The following SOX6 variants were observed in gnomAD, a reference collection of about 807,000 sequenced individuals.
SOX6 encodes SRY-box transcription factor 6.
Under a neutral mutation model 97.8 loss-of-function variants are expected in SOX6, and 11 were observed. The observed-to-expected ratio is 0.11, with a 90% CI of 0.07 to 0.19. The LOEUF (loss-of-function observed/expected upper bound fraction) is 0.19. Ranked by LOEUF, SOX6 falls within the 10% of genes least tolerant of loss-of-function variation. The pLI is 1.00. For missense variants in SOX6, 810 were observed against 1,039.5 expected, an observed-to-expected ratio of 0.78 and a Z score of 3.04; for synonymous variants, 360 against 371.4, an observed-to-expected ratio of 0.97 and a Z score of 0.35.
chr11:16,647,410 T>C (rs1000540084), intron 3 of SOX6, among the ~76,000 whole-genome samples: 1 of 152,180 alleles, frequency 6.6e-6, no homozygotes, highest in South Asian at 2.1e-4. Context: ...GTATTCAGTA[T>C]ATATATCCCC....
intron 1 of SOX6, among the ~76,000 whole-genome samples, chr11:16,349,704 GGAAGGAAGGAA>G (rs764069309): frequency 0.11 from 5,366 of 46,864 alleles, 138 homozygotes; most frequent in Non-Finnish European, 0.18. Context: ...AAGGAAGGAA[GGAAGGAAGGAA>G]GAAGGAAGGA....
chr11:16,329,726 T>C (rs1247918818), intron 2 of SOX6, among the ~76,000 whole-genome samples: 2 of 152,198 alleles, frequency 1.3e-5, no homozygotes, highest in South Asian at 2.1e-4. Context: ...ACATAGTAAG[T>C]GATAATTAAA....
intron 3 of SOX6, among the ~76,000 whole-genome samples, chr11:16,713,641 A>T (rs1848197263): frequency 6.6e-6 from 1 of 152,222 alleles, no homozygotes; most frequent in Non-Finnish European, 1.5e-5. Context: ...AAGTATCTAG[A>T]GTTAATAATA....
At chr11:16,713,746 A>G (rs547113277) in intron 3 of SOX6, among the ~76,000 whole-genome samples, 3 of 152,202 alleles carry the variant, frequency 2.0e-5, no homozygotes, top group African/African-American at 7.2e-5. Context: ...CCATGTATCA[A>G]TTTACTCAAT....
Position 16,049,774 on chromosome 11 carries a change from C to A in SOX6, c.1416G>T (p.Leu472=), listed in dbSNP as rs369308854. 3.1e-6 allele frequency: 5 copies of A among 1,613,460 alleles called. No homozygotes were observed. The East Asian group carries it at 1.1e-4, about 36-fold the overall frequency. The change falls in exon 11 of 16, where the codon CTG becomes CTT. Residue 472 remains leucine (L), a synonymous_variant. Transcript: ENST00000683767. ...ATTTACCTAAAGAGGATCCTCTTCC[C>A]AGGCTTCCTCCAATGGGGCTAGGGA... ...SSIPSPIGGS[L]GRGSSLDILS...
At chr11:16,572,955 T>C (rs1847952003) in intron 4 of SOX6, among the ~76,000 whole-genome samples, 1 of 152,204 alleles carries the variant, frequency 6.6e-6, no homozygotes, top group Non-Finnish European at 1.5e-5. Context: ...ACCACTCTTA[T>C]TCTGTCTCTA....
At chr11:16,321,413 TAA>T (rs896105366) in intron 2 of SOX6, among the ~76,000 whole-genome samples, 1 of 152,098 alleles carries the variant, frequency 6.6e-6, no homozygotes, top group African/African-American at 2.4e-5. Context: ...TGAAAGATGC[TAA>T]GAGAGGCTCT....
intron 4 of SOX6, among the ~76,000 whole-genome samples, chr11:16,549,153 A>C (rs895866332): frequency 1.3e-5 from 2 of 152,154 alleles, no homozygotes; most frequent in Non-Finnish European, 2.9e-5. Context: ...TACTAATAGA[A>C]GTCTACCAGA....
At chr11:16,593,209 G>T (rs760124107) in intron 4 of SOX6, among the ~76,000 whole-genome samples, 26 of 152,146 alleles carry the variant, frequency 1.7e-4, no homozygotes, top group Admixed American at 5.9e-4. Flanking sequence ...TAGGTTTAAA[G>T]CACATTAAAT....
chr11:16,357,812 G>C (rs551083672), upstream of SOX6, among the ~76,000 whole-genome samples: 1 of 152,058 alleles, frequency 6.6e-6, no homozygotes, highest in Non-Finnish European at 1.5e-5. Flanking sequence ...ATAATAACTA[G>C]CTACATTTTA....
intron 2 of SOX6, among the ~76,000 whole-genome samples, chr11:16,715,720 T>A (rs1256140550): frequency 1.3e-5 from 2 of 152,146 alleles, no homozygotes; most frequent in African/African-American, 4.8e-5. Context: ...TGTTTATTAT[T>A]ATTAAAACAC....
At chr11:16,267,396 A>G (rs996461400) in intron 3 of SOX6, among the ~76,000 whole-genome samples, 7 of 151,608 alleles carry the variant, frequency 4.6e-5, no homozygotes, top group African/African-American at 1.4e-4. Context: ...CTGAATACAC[A>G]TTTCTCAAAA....
At chr11:16,705,810 G>T (rs1327069107) in intron 3 of SOX6, among the ~76,000 whole-genome samples, 1 of 151,614 alleles carries the variant, frequency 6.6e-6, no homozygotes, top group East Asian at 1.9e-4. Context: ...TAATCTCCAG[G>T]AAAATCACTA....
intron 4 of SOX6, 21 bp from the exon 5 acceptor site, chr11:16,186,976 G>A (rs1851496438): frequency 6.2e-7 from 1 of 1,613,454 alleles, no homozygotes; most frequent in South Asian, 1.1e-5. Context: ...AGCAAGAAGA[G>A]ATCTCACAAG....
intron 1 of SOX6, among the ~76,000 whole-genome samples, chr11:16,396,096 G>C (rs895043913): frequency 2.6e-5 from 4 of 151,556 alleles, no homozygotes; most frequent in African/African-American, 9.7e-5. Context: ...TTATTCGCTA[G>C]ACTTTTAGCA....
At chr11:16,395,062 A>T (rs1281010712) in intron 1 of SOX6, among the ~76,000 whole-genome samples, 1 of 151,462 alleles carries the variant, frequency 6.6e-6, no homozygotes, top group African/African-American at 2.4e-5. Flanking sequence ...CAACCAACAG[A>T]CTCTATTTTT....
intron 3 of SOX6, among the ~76,000 whole-genome samples, chr11:16,302,558 C>CT (rs1305778326): frequency 1.3e-4 from 14 of 106,610 alleles, no homozygotes; most frequent in East Asian, 2.6e-4. Context: ...ATTTTTTTTT[C>CT]TTTTTTTCTT....
chr11:16,505,192 T>C (rs1056903259), intron 4 of SOX6, among the ~76,000 whole-genome samples: 3 of 152,192 alleles, frequency 2.0e-5, no homozygotes, highest in Non-Finnish European at 2.9e-5. Flanking sequence ...GTGGCCAAAA[T>C]GCTGATAGTC....
chr11:16,431,129 TTAAA>T (rs778635232), intron 1 of SOX6, among the ~76,000 whole-genome samples: 33 of 152,118 alleles, frequency 2.2e-4, no homozygotes, highest in Non-Finnish European at 4.9e-4. Context: ...TGGTGTCAAC[TTAAA>T]TATCACCTTA....
Sources: gnomAD v4.1 joint callset for allele counts (sites outside exome capture counted in the v4.1 genomes callset) on GRCh38, gnomAD v4.1.1 for gene constraint, MANE v1.5 for transcripts, NCBI Gene and HGNC (gene_info 2026-07-23, HGNC 2026-07-21) for gene names.